ULK4: variants seen among roughly 807,000 people sequenced by gnomAD.
The protein encoded by ULK4 is unc-51 like kinase 4.
A neutral mutation model predicts 160.6 loss-of-function variants in ULK4; 133 were observed. The ratio of observed to expected loss-of-function variants is 0.83; its 90% CI spans 0.72 to 0.96. The LOEUF (loss-of-function observed/expected upper bound fraction) is 0.96. Ranked by LOEUF, ULK4 falls within the 40% of genes least tolerant of loss-of-function variation. ULK4 has a pLI of 0.00. For synonymous variants in ULK4, 534 were observed against 539.8 expected (o/e 0.99, Z 0.15); for missense variants, 1,580 against 1,499.5 (o/e 1.05, Z -0.89).
In ULK4 at chr3:41,431,547, C is replaced by CATTTTTTTTTTTTTTTTTTT. The variant is rs563543377; in HGVS notation, c.3492+23949_3492+23950insAAAAAAAAAAAAAAAAAAAT. ...CCTGTGAGGTGTTGTAATTCCCTCC[C>CATTTTTTTTTTTTTTTTTTT]TTTTTTTTTTTTTTTGATGTGGAAA... On this transcript the variant is annotated intron_variant, in intron 34 of 36. Transcript: ENST00000301831. Among the ~76,000 whole-genome samples, 175 of 95,858 alleles carry CATTTTTTTTTTTTTTTTTTT rather than the reference C, an allele frequency of 1.8e-3. 9 individuals are homozygous for CATTTTTTTTTTTTTTTTTTT. The highest frequency in any genetic ancestry group is 7.0e-3 in the African/African-American group (166 of 23,680). The allele number at this position is 95,858 out of a possible 152,430, so 62.9% of individuals were successfully genotyped here.
At chr3:41,873,487 CAT>C (rs1272629648) in intron 17 of ULK4, among the ~76,000 whole-genome samples, 1 of 152,148 alleles carries the variant, frequency 6.6e-6, no homozygotes, top group Non-Finnish European at 1.5e-5. Flanking sequence ...TGTTCATTCA[CAT>C]GTGTATTCCA....
intron 35 of ULK4, among the ~76,000 whole-genome samples, chr3:41,271,555 C>T (rs760260564): frequency 5.3e-5 from 8 of 151,984 alleles, no homozygotes; most frequent in Non-Finnish European, 1.2e-4. Context: ...CCACCACACT[C>T]GGCTAAGTTT....
At chr3:41,555,435 T>C (rs2125584494) in intron 32 of ULK4, among the ~76,000 whole-genome samples, 1 of 152,182 alleles carries the variant, frequency 6.6e-6, no homozygotes, top group East Asian at 1.9e-4. Context: ...TTAACATCAC[T>C]GATCATCAGA....
At position 41,954,748 on chromosome 3, in the gene ULK4, A is replaced by G. The variant is rs745310037; in HGVS notation, c.12T>C (p.Phe4=). The change falls in exon 2 of 37, where the codon TTT becomes TTC. Residue 4 remains phenylalanine, a synonymous_variant. Transcript: ENST00000301831. MEN[F]ILYEEIGRGS... is the part of the protein sequence containing the mutation. ...CTCTTCCGATCTCCTCATACAGAAT[A>G]AAGTTTTCCATCTCTGGGCCGACTT... The G allele has an allele frequency of 6.2e-7, 1 of 1,612,270 alleles. No individual in the cohort carries two copies. The highest frequency in any genetic ancestry group is 2.2e-5 in the East Asian group (1 of 44,864).
At chr3:41,833,071 T>A (rs112290098) in intron 18 of ULK4, among the ~76,000 whole-genome samples, 18,823 of 152,136 alleles carry the variant, frequency 0.12, 1,348 homozygotes, top group Middle Eastern at 0.27. Context: ...CTGTGAAGAA[T>A]GTCAATGGTA....
intron 35 of ULK4, among the ~76,000 whole-genome samples, chr3:41,320,205 A>G (rs576996667): frequency 2.6e-4 from 39 of 152,184 alleles, no homozygotes; most frequent in African/African-American, 8.4e-4. Context: ...ATTTCTCAGG[A>G]GGATGAAGGG....
intron 5 of ULK4, among the ~76,000 whole-genome samples, chr3:41,928,919 G>C (rs1314808483): frequency 6.6e-6 from 1 of 151,820 alleles, no homozygotes; most frequent in African/African-American, 2.4e-5. Flanking sequence ...TACAAAGAGG[G>C]GCTGATAACA....
At chr3:41,497,962 T>C (rs1289672272) in intron 32 of ULK4, among the ~76,000 whole-genome samples, 4 of 152,172 alleles carry the variant, frequency 2.6e-5, no homozygotes, top group African/African-American at 7.2e-5. Flanking sequence ...AACTGGAGAT[T>C]TTAATACTTC....
chr3:41,456,545 ATGAG>A (rs371638144), intron 33 of ULK4, among the ~76,000 whole-genome samples: 121 of 152,336 alleles, frequency 7.9e-4, no homozygotes, highest in African/African-American at 2.0e-3. Flanking sequence ...ATGAAAATAA[ATGAG>A]TGAGTGGTTT....
At chr3:41,650,479 G>C (rs955135350) in intron 30 of ULK4, among the ~76,000 whole-genome samples, 1 of 152,232 alleles carries the variant, frequency 6.6e-6, no homozygotes, top group Non-Finnish European at 1.5e-5. Context: ...AGTGCCCACA[G>C]TGGAGGCTGC....
intron 22 of ULK4, among the ~76,000 whole-genome samples, chr3:41,730,112 A>C (rs186075614): frequency 1.3e-3 from 193 of 152,346 alleles, no homozygotes; most frequent in Non-Finnish European, 6.5e-4. Context: ...AAATGGAAAC[A>C]CAATATACTA....
chr3:41,506,767 A>AAAAAAAAAAAAAAAAAAAATAAATAT, intron 32 of ULK4, among the ~76,000 whole-genome samples: 2 of 56,764 alleles, frequency 3.5e-5, no homozygotes, highest in Non-Finnish European at 6.3e-5. Context: ...TGTGATTTAA[A>AAAAAAAAAAAAAAAAAAAATAAATAT]ATATATATAT....
At chr3:41,624,020 C>A (rs997477619) in intron 30 of ULK4, among the ~76,000 whole-genome samples, 1 of 152,118 alleles carries the variant, frequency 6.6e-6, no homozygotes, top group African/African-American at 2.4e-5. Flanking sequence ...GTGATCACTT[C>A]TGTAGTTTCA....
rs1337819631 is a variant in ULK4, at chr3:41,313,306, G to T, written c.3679-63732C>A. ...AAAGTACCAATTTCATATGGTTGTT[G>T]TGAGAATTAAACTAGTTAATGTATG... On this transcript the variant is annotated intron_variant, in intron 35 of 36. Transcript: ENST00000301831. 2.6e-5 allele frequency among the ~76,000 whole-genome samples: 4 copies of T among 152,210 alleles called. No individual in the cohort carries two copies. The East Asian group carries it at 5.8e-4, about 22-fold the overall frequency.
At chr3:41,885,475 A>T (rs575876986) in intron 16 of ULK4, among the ~76,000 whole-genome samples, 1 of 152,292 alleles carries the variant, frequency 6.6e-6, no homozygotes, top group African/African-American at 2.4e-5. Context: ...TTCTCAGGTC[A>T]CCATTTCAGG....
At chr3:41,860,303 G>A (rs112470499) in intron 17 of ULK4, among the ~76,000 whole-genome samples, 8,898 of 152,116 alleles carry the variant, frequency 0.058, 816 homozygotes, top group African/African-American at 0.2. Flanking sequence ...TGGGAGATCC[G>A]TCCAATGCTG....
At chr3:41,853,095 T>C (rs2042255462) in intron 17 of ULK4, among the ~76,000 whole-genome samples, 2 of 152,178 alleles carry the variant, frequency 1.3e-5, no homozygotes, top group Admixed American at 1.3e-4. Context: ...CAGCATACTC[T>C]GGAGCAGTGG....
At chr3:41,548,845 G>A (rs2086962468) in intron 32 of ULK4, among the ~76,000 whole-genome samples, 2 of 152,084 alleles carry the variant, frequency 1.3e-5, no homozygotes, top group Non-Finnish European at 2.9e-5. Context: ...AACAGCCTGG[G>A]TGGCATCTCC....
chr3:41,458,945 AG>A (rs1342020247), intron 33 of ULK4, among the ~76,000 whole-genome samples: 30 of 152,132 alleles, frequency 2.0e-4, no homozygotes, highest in Admixed American at 1.6e-3. Context: ...TAATAGAGAC[AG>A]GGTTTCACCA....
Sources: gnomAD v4.1 joint callset for allele counts (sites outside exome capture counted in the v4.1 genomes callset) on GRCh38, gnomAD v4.1.1 for gene constraint, MANE v1.5 for transcripts, NCBI Gene and HGNC (gene_info 2026-07-23, HGNC 2026-07-21) for gene names.